The following TBC1D5 variants were observed in gnomAD, a reference collection of about 807,000 sequenced individuals.
TBC1D5 encodes TBC1 domain family member 5.
TBC1D5 carries 75 observed loss-of-function variants against 100.3 expected under a neutral mutation model. The ratio of observed to expected loss-of-function variants is 0.75; its 90% CI spans 0.62 to 0.91. TBC1D5 has a LOEUF of 0.91. Among genes scored for constraint, TBC1D5 ranks in the 40% least tolerant of loss-of-function variants. The pLI is 0.00. For synonymous variants in TBC1D5, 323 were observed against 325.6 expected (o/e 0.99, Z 0.09); for missense variants, 910 against 942.4 (o/e 0.97, Z 0.45).
chr3:17,418,226 T>C (rs1204384052), intron 4 of TBC1D5, among the ~76,000 whole-genome samples: 4 of 152,196 alleles, frequency 2.6e-5, no homozygotes, highest in East Asian at 1.9e-4. Flanking sequence ...TCATTCTCAA[T>C]TGTATCATTG....
chr3:17,596,252 T>C (rs2060555488), intron 2 of TBC1D5, among the ~76,000 whole-genome samples: 1 of 151,840 alleles, frequency 6.6e-6, no homozygotes, highest in Non-Finnish European at 1.5e-5. Flanking sequence ...AAATGGAGAT[T>C]CACAATCAGA....
At chr3:17,280,499 GAGAGGGGAGAGGAAGAGA>G (rs989201054) in intron 15 of TBC1D5, among the ~76,000 whole-genome samples, 1 of 152,202 alleles carries the variant, frequency 6.6e-6, no homozygotes, top group Admixed American at 6.5e-5. Context: ...TCTGCCAGCA[GAGAGGGGAGAGGAAGAGA>G]AGAGGAGAAG....
At chr3:17,380,701 T>C (rs188459451) in intron 9 of TBC1D5, among the ~76,000 whole-genome samples, 4 of 152,190 alleles carry the variant, frequency 2.6e-5, no homozygotes, top group Admixed American at 2.6e-4. Flanking sequence ...CAACAGCCTG[T>C]AGGTTCACAA....
chr3:17,700,651 C>G (rs1422083609), intron 1 of TBC1D5, among the ~76,000 whole-genome samples: 8 of 152,076 alleles, frequency 5.3e-5, no homozygotes, highest in African/African-American at 1.9e-4. Flanking sequence ...CAAACAACCC[C>G]ATCAAAAAGT....
At chr3:17,729,286 C>G (rs1292992039) in intron 1 of TBC1D5, among the ~76,000 whole-genome samples, 1 of 150,832 alleles carries the variant, frequency 6.6e-6, no homozygotes, top group African/African-American at 2.4e-5. Flanking sequence ...ATACAATAAT[C>G]TCAACTCCAG....
intron 1 of TBC1D5, among the ~76,000 whole-genome samples, chr3:17,736,837 C>A (rs909459433): frequency 1.3e-5 from 2 of 152,044 alleles, no homozygotes; most frequent in African/African-American, 4.8e-5. Flanking sequence ...ATGGTGAAAC[C>A]CCGTCTCTAC....
intron 1 of TBC1D5, among the ~76,000 whole-genome samples, chr3:17,679,765 A>G (rs982166971): frequency 1.3e-5 from 2 of 151,558 alleles, no homozygotes; most frequent in African/African-American, 2.4e-5. Flanking sequence ...AAACTTATCA[A>G]TATTTTTATA....
chr3:17,547,749 T>C (rs2096432542), intron 2 of TBC1D5, among the ~76,000 whole-genome samples: 1 of 152,168 alleles, frequency 6.6e-6, no homozygotes, highest in Non-Finnish European at 1.5e-5. Context: ...CATAGTAACA[T>C]CCTGATCACA....
intron 15 of TBC1D5, 112 bp downstream of exon 15, chr3:17,291,783 G>A (rs936993301): frequency 4.3e-6 from 4 of 936,894 alleles, no homozygotes; most frequent in Non-Finnish European, 3.2e-6. Flanking sequence ...CTACCATTAG[G>A]CAATTCATCT....
At chr3:17,515,264 C>G (rs1045226984) in intron 2 of TBC1D5, among the ~76,000 whole-genome samples, 6 of 152,022 alleles carry the variant, frequency 3.9e-5, no homozygotes, top group African/African-American at 1.4e-4. Context: ...AACACCTGAC[C>G]AATTGTGGGG....
At chr3:17,725,478 A>G (rs1365742853) in intron 1 of TBC1D5, among the ~76,000 whole-genome samples, 1 of 151,586 alleles carries the variant, frequency 6.6e-6, no homozygotes, top group Non-Finnish European at 1.5e-5. Flanking sequence ...GTTCGCTCAT[A>G]CTCTACAGGC....
rs148088286 is a variant in TBC1D5 at position 17,176,647 on chromosome 3, T to C, written c.1852+8462A>G. Among the ~76,000 whole-genome samples the C allele has an allele frequency of 9.4e-3, 1,428 of 151,488 alleles. 11 individuals carry two copies. Among genetic ancestry groups the C allele is most frequent in the Non-Finnish European group, 0.015 (1,002 of 67,814 alleles). On this transcript the variant is annotated intron_variant, in intron 19 of 21. Transcript: ENST00000253692. The stretch of plus-strand genomic sequence containing the variant: ...GGGGAACATCATACACTGGGGCCTG[T>C]TGGAGGGTGAGGGGCTAGGGAAGGG...
In TBC1D5 at chr3:17,374,696, A is replaced by G. The variant is rs1369145221; in HGVS notation, c.702-17T>C. On this transcript the variant is annotated splice_polypyrimidine_tract_variant and intron_variant, in intron 10 of 21. Coordinates refer to ENST00000253692, the Ensembl canonical transcript of TBC1D5. ...ATTTCCTCACTTAAAAAAGCAATAC[A>G]AGCAATCAAAATGTGTAATTTTTGA... is the stretch of plus-strand genomic sequence containing the variant. 8.7e-6 allele frequency: 14 copies of G among 1,608,168 alleles called. No individual in the cohort carries two copies. Among genetic ancestry groups the G allele is most frequent in the Non-Finnish European group, 1.2e-5 (14 of 1,178,230 alleles).
At chr3:17,478,121 G>GT (rs1418248651) in intron 3 of TBC1D5, among the ~76,000 whole-genome samples, 1 of 151,988 alleles carries the variant, frequency 6.6e-6, no homozygotes, top group Non-Finnish European at 1.5e-5. Flanking sequence ...GAAAACGTTT[G>GT]TTTTTTTGCT....
Position 17,376,620 on chromosome 3 carries a change from TA to T in TBC1D5, c.613-8del, listed in dbSNP as rs1291486957. On this transcript the variant is annotated splice_polypyrimidine_tract_variant and splice_region_variant and intron_variant, in intron 9 of 21. Transcript: ENST00000253692. The stretch of plus-strand genomic sequence containing the variant: ...CTAACAGTTCGTGCATGCCCTGAAA[TA>T]AAAGAGCCAGAAAAATGAAAGAGAT... 2.5e-6 allele frequency: 4 copies of T among 1,608,842 alleles called. No individual in the cohort carries two copies. In the African/African-American group the frequency reaches 5.4e-5, roughly 22 times the overall value.
chr3:17,658,133 T>C (rs1016307946), intron 1 of TBC1D5, among the ~76,000 whole-genome samples: 2 of 152,240 alleles, frequency 1.3e-5, no homozygotes, highest in Non-Finnish European at 2.9e-5. Flanking sequence ...CTGTACATCA[T>C]CTAGTTTTGT....
chr3:17,166,644 G>T, intron 21 of TBC1D5, 123 bp downstream of exon 22: 1 of 1,346,336 alleles, frequency 7.4e-7, no homozygotes, highest in Non-Finnish European at 1.0e-6. Context: ...CAGCACCTCC[G>T]CAGTTGAACT....
In TBC1D5 at chr3:17,238,164, TTTGTTCAA is replaced by T. The variant is rs1237149646; in HGVS notation, c.1579_1586del (p.Leu527ArgfsTer5). ...AGATTTACTAGTATTTTTTCCTACC[TTTGTTCAA>T]TTGCACAGGCATGCTTTCTGATTTC... is the stretch of plus-strand genomic sequence containing the variant. On this transcript the variant is annotated frameshift_variant and splice_region_variant, in exon 17 of 22. Transcript: ENST00000253692. LOFTEE classifies it high-confidence loss of function. The T allele has an allele frequency of 6.2e-7, 1 of 1,612,476 alleles. No homozygotes were observed. The highest frequency in any genetic ancestry group is 8.5e-7 in the Non-Finnish European group (1 of 1,179,294).
In TBC1D5 at chr3:17,450,544, C is replaced by T. The variant is rs145435449; in HGVS notation, c.98-22025G>A. Among the ~76,000 whole-genome samples the T allele has an allele frequency of 1.0e-3, 153 of 152,230 alleles. 1 individual carries two copies. The highest frequency in any genetic ancestry group is 3.4e-3 in the African/African-American group (142 of 41,542). ...CCAGTGTAGAGAAGAACATAAATGA[C>T]CCGATAGAGCTAAAAAACACAGCAC... On this transcript the variant is annotated intron_variant, in intron 3 of 21. Coordinates refer to ENST00000253692, the Ensembl canonical transcript of TBC1D5.
Sources: gnomAD v4.1 joint callset for allele counts (sites outside exome capture counted in the v4.1 genomes callset) on GRCh38, gnomAD v4.1.1 for gene constraint, MANE v1.5 for transcripts, NCBI Gene and HGNC (gene_info 2026-07-23, HGNC 2026-07-21) for gene names.